TMEM130: variants seen among roughly 807,000 people sequenced by gnomAD.
TMEM130 encodes transmembrane protein 130.
Under a neutral mutation model 42.9 loss-of-function variants are expected in TMEM130, and 37 were observed. The ratio of observed to expected loss-of-function variants is 0.86; its 90% CI spans 0.66 to 1.13. TMEM130 has a LOEUF of 1.13. Among genes scored for constraint, TMEM130 ranks in the 50% most tolerant of loss-of-function variants. The probability of loss-of-function intolerance (pLI) is 0.00; values close to 1 mark genes in which losing one functional copy is unlikely to be tolerated. For synonymous variants in TMEM130, 259 were observed against 237.7 expected, an observed-to-expected ratio of 1.09 and a Z score of -0.82; for missense variants, 545 against 562.6, an observed-to-expected ratio of 0.97 and a Z score of 0.32.
chr7:98,850,088 C>T (rs563770841), intron 6 of TMEM130, among the ~76,000 whole-genome samples: 11 of 150,788 alleles, frequency 7.3e-5, no homozygotes, highest in South Asian at 4.2e-4. Flanking sequence ...CTCACTCTGT[C>T]GCTCAGGCTG....
At chr7:98,859,271 C>A (rs982858753) in intron 3 of TMEM130, among the ~76,000 whole-genome samples, 1 of 150,318 alleles carries the variant, frequency 6.7e-6, no homozygotes, top group Admixed American at 6.6e-5. Context: ...TTCTCCTCCA[C>A]CAAAAAGGGG....
intron 2 of TMEM130, among the ~76,000 whole-genome samples, chr7:98,862,178 A>G (rs1342110844): frequency 6.6e-6 from 1 of 152,180 alleles, no homozygotes; most frequent in Non-Finnish European, 1.5e-5. Context: ...TAAATTCATT[A>G]TTAGACTGGA....
intron 5 of TMEM130, among the ~76,000 whole-genome samples, chr7:98,853,166 A>G (rs1387621490): frequency 6.6e-6 from 1 of 152,198 alleles, no homozygotes; most frequent in African/African-American, 2.4e-5. Context: ...CTAAACCCAC[A>G]GGGCTTCCCA....
In TMEM130 at chr7:98,856,014, C is replaced by G. The variant is rs1794623930; in HGVS notation, c.718+3G>C. ...GACTGCATCAGCCTGCCTGGACACC[C>G]ACCCTGCAGCTTCAGCGAGGCGGAG... On this transcript the variant is annotated splice_donor_region_variant and intron_variant, in intron 4 of 7. Transcript: ENST00000339375. 6.2e-7 allele frequency: 1 copy of G among 1,611,976 alleles called. No homozygotes were observed. The highest frequency in any genetic ancestry group is 1.3e-5 in the African/African-American group (1 of 74,930).
At chr7:98,866,603 G>A (rs371940108) in intron 1 of TMEM130, 5 of 152,354 alleles carry the variant, frequency 3.3e-5, no homozygotes, top group African/African-American at 1.2e-4. Context: ...AGCAGGAATC[G>A]AGGGGGCAAG....
chr7:98,861,466 G>C (rs1405181305), intron 2 of TMEM130, among the ~76,000 whole-genome samples: 1 of 152,164 alleles, frequency 6.6e-6, no homozygotes, highest in African/African-American at 2.4e-5. Context: ...TGTAATCCCA[G>C]CACTTTGGGA....
chr7:98,849,009 G>A (rs1794429776), intron 6 of TMEM130, among the ~76,000 whole-genome samples: 1 of 152,178 alleles, frequency 6.6e-6, no homozygotes, highest in African/African-American at 2.4e-5. Context: ...GTGTACAGCA[G>A]ATGAAAGGAG....
chr7:98,869,968 G>C lies in TMEM130; in HGVS notation c.-107C>G. The stretch of plus-strand genomic sequence containing the variant: ...CCGGGCGCGCAGCGCGGGCGGTGCG[G>C]GGAGGTGCGGGCGCCGTGCTCGCTC... On this transcript the variant is annotated 5_prime_UTR_variant, in exon 1 of 8. Coordinates refer to ENST00000339375, the MANE Select transcript of TMEM130 (RefSeq NM_152913.3). This position sits in a 1 kb window ranked among gnomAD's most constrained non-coding sequence, Gnocchi z 4.7. 1 of 725,974 alleles carries C rather than the reference G, an allele frequency of 1.4e-6. No individual in the cohort carries two copies. The highest frequency in any genetic ancestry group is 1.9e-6 in the Non-Finnish European group (1 of 527,850). 45.0% of individuals were successfully genotyped at this position (725,974 alleles called of 1,614,324 possible).
Position 98,863,314 on chromosome 7 carries a change from T to C in TMEM130, c.172A>G (p.Asn58Asp), listed in dbSNP as rs782685519. Reference protein sequence around the residue: ...TISASLVAKDNGSLALPADAH... With the variant: ...TISASLVAKDDGSLALPADAH... ...TCAGCGGGCAGGGCCAGGCTGCCGT[T>C]GTCCTTGGCCACCAGGCTGGCCGAG... Residue 58 changes from asparagine to aspartate, a missense_variant, in exon 2 of 8, where the codon AAC (asparagine) becomes GAC (aspartate). By Grantham distance (23) the Asn-to-Asp change is conservative. Transcript: ENST00000339375. 2 of 1,612,746 alleles carry C rather than the reference T, an allele frequency of 1.2e-6. No individual in the cohort carries two copies. The highest frequency in any genetic ancestry group is 4.5e-5 in the East Asian group (2 of 44,868).
chr7:98,848,067 A>G lies in TMEM130; in HGVS notation c.1261T>C (p.Tyr421His). ...LPPLYKSVKT[Y>H]TV ...GGGAGGGGGAGTGCTCACACGGTGTAAGTTTTGACAGACTTATAGAGGGGC... is the reference window on the plus strand; with the variant it reads ...GGGAGGGGGAGTGCTCACACGGTGTGAGTTTTGACAGACTTATAGAGGGGC... The change falls in exon 8 of 8, where the codon TAC (tyrosine) becomes CAC (histidine). Residue 421 changes from tyrosine (Y) to histidine (H), a missense_variant. Physicochemically the swap from Tyr to His is moderately conservative, Grantham distance 83. Coordinates refer to ENST00000339375, the MANE Select transcript of TMEM130 (RefSeq NM_152913.3). The G allele has an allele frequency of 6.2e-7, 1 of 1,613,846 alleles. No individual in the cohort carries two copies. Among genetic ancestry groups the G allele is most frequent in the Non-Finnish European group, 8.5e-7 (1 of 1,179,890 alleles).
intron 2 of TMEM130, among the ~76,000 whole-genome samples, chr7:98,861,790 A>G (rs1794777122): frequency 1.3e-5 from 2 of 152,204 alleles, no homozygotes; most frequent in African/African-American, 4.8e-5. Flanking sequence ...CATTTGGAAA[A>G]TGTTCAAACA....
Position 98,851,640 on chromosome 7 carries a change from G to A in TMEM130, c.804-17C>T. 3 of 1,594,292 alleles carry A rather than the reference G, an allele frequency of 1.9e-6. No individual in the cohort carries two copies. Among genetic ancestry groups the A allele is most frequent in the Non-Finnish European group, 2.6e-6 (3 of 1,169,198 alleles). On this transcript the variant is annotated splice_polypyrimidine_tract_variant and intron_variant, in intron 5 of 7. Coordinates refer to ENST00000339375, the MANE Select transcript of TMEM130 (RefSeq NM_152913.3). ...AGAGGAGGGCTGCAGGGAAATGGGG[G>A]CGGTTTTTAAGAAAAGGCTCAGCAA...
chr7:98,857,014 T>C (rs957664008), intron 3 of TMEM130, among the ~76,000 whole-genome samples: 1 of 151,976 alleles, frequency 6.6e-6, no homozygotes, highest in Non-Finnish European at 1.5e-5. Flanking sequence ...TCTGAACTCT[T>C]AGGCTCAAGC....
chr7:98,860,437 C>T, intron 2 of TMEM130, 99 bp from the exon 3 acceptor site: 2 of 1,235,370 alleles, frequency 1.6e-6, no homozygotes, highest in South Asian at 1.6e-5. Context: ...CACCACTTCC[C>T]TGCCCGGACC....
chr7:98,854,171 C>T (rs1401534517), intron 5 of TMEM130, among the ~76,000 whole-genome samples: 1 of 151,464 alleles, frequency 6.6e-6, no homozygotes, highest in Non-Finnish European at 1.5e-5. Context: ...CCGAGTAGCT[C>T]GAATTACAGG....
Position 98,848,100 on chromosome 7 carries a change from G to A in TMEM130, c.1228C>T (p.Leu410=), listed in dbSNP as rs782249662. 3.7e-6 allele frequency: 6 copies of A among 1,613,968 alleles called. No individual in the cohort carries two copies. The highest frequency in any genetic ancestry group is 1.6e-4 in the Middle Eastern group (1 of 6,076). The part of the protein sequence containing the change: ...YLEIVRENHG[L]LPPLYKSVKT... ...ACAGACTTATAGAGGGGCGGGAGCA[G>A]CCCGTGGTTCTCACGAACAATTTCC... Residue 410 remains leucine, a synonymous_variant, in exon 8 of 8, where the codon CTG becomes TTG. Coordinates refer to ENST00000339375, the MANE Select transcript of TMEM130 (RefSeq NM_152913.3).
Position 98,847,972 on chromosome 7 carries a change from C to A in TMEM130, c.*84G>T. ...AACAGCCCCACGCAAATGAACCCCTCCTGGTCAGTGGTGCACACCACCCTG... is the reference window on the plus strand; with the variant it reads ...AACAGCCCCACGCAAATGAACCCCTACTGGTCAGTGGTGCACACCACCCTG... On this transcript the variant is annotated 3_prime_UTR_variant, in exon 8 of 8. Transcript: ENST00000339375. The A allele has an allele frequency of 7.2e-7, 1 of 1,386,710 alleles. No individual in the cohort carries two copies. Among genetic ancestry groups the A allele is most frequent in the South Asian group, 1.3e-5 (1 of 76,222 alleles). 85.9% of individuals were successfully genotyped at this position (1,386,710 alleles called of 1,614,324 possible).
intron 3 of TMEM130, among the ~76,000 whole-genome samples, chr7:98,857,495 T>G (rs2116096798): frequency 6.6e-6 from 1 of 152,158 alleles, no homozygotes; most frequent in East Asian, 2.0e-4. Flanking sequence ...AGCCCAGAAG[T>G]TCGAGACCAG....
chr7:98,861,687 G>C (rs953037586), intron 2 of TMEM130, among the ~76,000 whole-genome samples: 2 of 152,080 alleles, frequency 1.3e-5, no homozygotes, highest in Non-Finnish European at 2.9e-5. Context: ...ACTCCAGCCT[G>C]GGCAACAGAA....
Sources: gnomAD v4.1 joint callset for allele counts (sites outside exome capture counted in the v4.1 genomes callset) on GRCh38, gnomAD v4.1.1 for gene constraint, Gnocchi (gnomAD v3.1) non-coding constraint, MANE v1.5 for transcripts, NCBI Gene and HGNC (gene_info 2026-07-23, HGNC 2026-07-21) for gene names.